The following ENTPD4 variants were observed in gnomAD, a reference collection of about 807,000 sequenced individuals.
ENTPD4 encodes Golgi UDPase.
Under a neutral mutation model 79.1 loss-of-function variants are expected in ENTPD4, and 60 were observed. The observed-to-expected ratio is 0.76, with a 90% CI of 0.62 to 0.94. ENTPD4 has a LOEUF of 0.94. Ranked by LOEUF, ENTPD4 falls within the 40% of genes least tolerant of loss-of-function variation. The probability of loss-of-function intolerance (pLI) is 0.00; values close to 1 mark genes in which losing one functional copy is unlikely to be tolerated. For synonymous variants in ENTPD4, 276 were observed against 292.0 expected (o/e 0.95, Z 0.56); for missense variants, 772 against 775.1 (o/e 1.00, Z 0.05).
At chr8:23,455,911 T>C (rs767678519) in intron 1 of ENTPD4, among the ~76,000 whole-genome samples, 5 of 152,214 alleles carry the variant, frequency 3.3e-5, no homozygotes, top group Non-Finnish European at 7.3e-5. Context: ...TCTTCTATCA[T>C]TCTCCAAGCC....
chr8:23,444,129 T>C (rs913161165), intron 5 of ENTPD4, among the ~76,000 whole-genome samples, 176 bp from the exon 6 acceptor site: 1 of 126,330 alleles, frequency 7.9e-6, no homozygotes, highest in Non-Finnish European at 1.6e-5. Context: ...AGGAATGAAT[T>C]TTCAAAATGA....
chr8:23,445,184 C>T (rs1291424342), intron 4 of ENTPD4, among the ~76,000 whole-genome samples: 2 of 152,224 alleles, frequency 1.3e-5, no homozygotes, highest in Non-Finnish European at 2.9e-5. Flanking sequence ...AGTCCCTCTC[C>T]CTCATCCCAA....
chr8:23,433,620 C>T (rs562876174), intron 12 of ENTPD4, among the ~76,000 whole-genome samples: 2 of 152,286 alleles, frequency 1.3e-5, no homozygotes, highest in Admixed American at 6.5e-5. Context: ...GATCTGCAAA[C>T]GTGAATGGGG....
chr8:23,454,697 G>A (rs1800925501), intron 1 of ENTPD4, among the ~76,000 whole-genome samples: 1 of 152,084 alleles, frequency 6.6e-6, no homozygotes. Context: ...TGTCATCTGA[G>A]GTTTGTCTCA....
In ENTPD4 at chr8:23,443,851, T is replaced by G. The variant is rs1259026950; in HGVS notation, c.666A>C (p.Glu222Asp). The G allele has an allele frequency of 6.2e-7, 1 of 1,605,636 alleles. No homozygotes were observed. Among genetic ancestry groups the G allele is most frequent in the Admixed American group, 1.7e-5 (1 of 59,920 alleles). ...SHAEVISGKQ[E>D]GVYAWIGINF... ...TAAACTGAAGACCAATATACCAACC[T>G]TCTTGTTTCCCAGAAATTACTTCTG... The change falls in exon 6 of 13, where the codon GAA becomes GAC. Residue 222 changes from glutamate to aspartate, a missense_variant and splice_region_variant. Physicochemically the swap from Glu to Asp is conservative, Grantham distance 45. Transcript: ENST00000358689.
intron 10 of ENTPD4, among the ~76,000 whole-genome samples, chr8:23,436,458 T>A (rs982911485): frequency 2.0e-5 from 3 of 151,732 alleles, no homozygotes; most frequent in African/African-American, 7.3e-5. Flanking sequence ...GGGGTCAGGA[T>A]TGGAGCCTCT....
In ENTPD4 at chr8:23,434,425, GA is replaced by G; in HGVS notation, c.1513del (p.Ser505ArgfsTer9). 1 of 1,614,060 alleles carries G rather than the reference GA, an allele frequency of 6.2e-7. No homozygotes were observed. Among genetic ancestry groups the G allele is most frequent in the South Asian group, 1.1e-5 (1 of 91,086 alleles). ...TAAGCTTTTATAGTTGACAGGAAAC[GA>G]AAAGCCCCTATGAAACACCTCAAAC... ...WMFEVFHRGF[S>X]FPVNYKSLKT... On this transcript the variant is annotated frameshift_variant, in exon 12 of 13. Transcript: ENST00000358689. LOFTEE classifies it high-confidence loss of function.
At chr8:23,452,372 C>T (rs957343824) in intron 1 of ENTPD4, among the ~76,000 whole-genome samples, 1 of 152,178 alleles carries the variant, frequency 6.6e-6, no homozygotes, top group Non-Finnish European at 1.5e-5. Context: ...TCATAACTCC[C>T]CATCCCCCAA....
intron 11 of ENTPD4, chr8:23,434,795 A>G (rs1289742608): frequency 2.2e-6 from 2 of 928,556 alleles, no homozygotes; most frequent in African/African-American, 1.7e-5. Flanking sequence ...AATACTGAAC[A>G]GGTTCCAACC....
intron 12 of ENTPD4, among the ~76,000 whole-genome samples, chr8:23,433,864 T>C (rs1800506610): frequency 6.6e-6 from 1 of 152,242 alleles, no homozygotes; most frequent in Admixed American, 6.5e-5. Flanking sequence ...CAGATCCTGT[T>C]ATTTAATGTG....
intron 8 of ENTPD4, chr8:23,440,162 C>T (rs1800643179): frequency 2.5e-6 from 1 of 398,992 alleles, no homozygotes. Context: ...TAGTTCATAC[C>T]CTCTGACATA....
chr8:23,449,554 A>G (rs749507087), intron 2 of ENTPD4, among the ~76,000 whole-genome samples: 2 of 152,198 alleles, frequency 1.3e-5, no homozygotes, highest in Non-Finnish European at 2.9e-5. Context: ...TACTTTTAGA[A>G]ATATTCCCAC....
At chr8:23,440,145 A>G (rs1341651319) in intron 8 of ENTPD4, 1 of 468,452 alleles carries the variant, frequency 2.1e-6, no homozygotes, top group Non-Finnish European at 3.8e-6. Flanking sequence ...AGAGAAAGTC[A>G]GCAAAATAGT....
chr8:23,437,646 C>T (rs1051390892), intron 9 of ENTPD4, among the ~76,000 whole-genome samples: 2 of 152,210 alleles, frequency 1.3e-5, no homozygotes, highest in Non-Finnish European at 2.9e-5. Flanking sequence ...GTGACAAGAT[C>T]CGGTCCTGGG....
rs375190138 is a variant in ENTPD4, at chr8:23,440,543, AT to A, written c.883-629del. Among the ~76,000 whole-genome samples the A allele has an allele frequency of 2.4e-4, 37 of 152,244 alleles. No individual in the cohort carries two copies. In the East Asian group the frequency reaches 3.7e-3, roughly 15 times the overall value. ...TATTTCTATGTATTTTTTACTTTATATTGAGAGGGAAAAACATGATTTTTTA... is the reference window on the plus strand; with the variant it reads ...TATTTCTATGTATTTTTTACTTTATATGAGAGGGAAAAACATGATTTTTTA... On this transcript the variant is annotated intron_variant, in intron 8 of 12. Coordinates refer to ENST00000358689, the MANE Select transcript of ENTPD4 (RefSeq NM_004901.5).
chr8:23,433,153 C>T lies in ENTPD4; in HGVS notation c.1624G>A (p.Asp542Asn). The T allele has an allele frequency of 1.2e-6, 2 of 1,613,910 alleles. No individual in the cohort carries two copies. The highest frequency in any genetic ancestry group is 8.5e-7 in the Non-Finnish European group (1 of 1,179,852). Residue 542 changes from aspartate (D) to asparagine (N), a missense_variant and splice_region_variant, in exon 13 of 13, where the codon GAC (aspartate) becomes AAC (asparagine). By Grantham distance (23) the Asp-to-Asn change is conservative. Transcript: ENST00000358689. Reference protein sequence around the residue: ...LYRTRFLPLRDIQQEAFRASH... With the variant: ...LYRTRFLPLRNIQQEAFRASH... ...GCTCGGAAGGCCTCCTGCTGGATGT[C>T]TCTGCCCATGTGAACACCAAACAAC...
chr8:23,434,654 C>A lies in ENTPD4; in HGVS notation c.1461-176G>T, dbSNP rs1055242058. 2.1e-6 allele frequency: 3 copies of A among 1,433,598 alleles called. No homozygotes were observed. In the Admixed American group the frequency reaches 8.4e-5, roughly 40 times the overall value. 88.8% of individuals were successfully genotyped at this position (1,433,598 alleles called of 1,614,324 possible). ...AAGGTTGATGTACTTGCTTCACATC[C>A]CTGGTCCCACAACATGGAGCAGTTC... On this transcript the variant is annotated intron_variant, in intron 11 of 12. Transcript: ENST00000358689.
In ENTPD4 at chr8:23,432,211, A is replaced by G; in HGVS notation, c.*715T>C. The G allele has an allele frequency of 1.0e-6, 1 of 981,040 alleles. No homozygotes were observed. Among genetic ancestry groups the G allele is most frequent in the South Asian group, 4.7e-5 (1 of 21,116 alleles). 60.8% of individuals were successfully genotyped at this position (981,040 alleles called of 1,614,324 possible). On this transcript the variant is annotated 3_prime_UTR_variant, in exon 13 of 13. Coordinates refer to ENST00000358689, the MANE Select transcript of ENTPD4 (RefSeq NM_004901.5). Reference sequence around the variant, plus strand: ...CTTCAGGTTAGAGCTTTCAAGATAGAGAAAAAAGAGGATTATCATTTCAGG... The same window carrying G: ...CTTCAGGTTAGAGCTTTCAAGATAGGGAAAAAAGAGGATTATCATTTCAGG...
intron 1 of ENTPD4, 145 bp downstream of exon 1, chr8:23,457,412 G>C (rs1251201164): frequency 1.3e-5 from 2 of 152,394 alleles, no homozygotes; most frequent in Non-Finnish European, 2.9e-5. Flanking sequence ...GGTCCGCGGG[G>C]CTAAGCAGGC....
Sources: allele counts gnomAD v4.1 joint callset (sites outside exome capture counted in the v4.1 genomes callset), GRCh38; gene constraint gnomAD v4.1.1; transcripts MANE v1.5; gene names NCBI Gene and HGNC (gene_info 2026-07-23, HGNC 2026-07-21).